DMD: variants seen among roughly 807,000 people sequenced by gnomAD.
DMD encodes the protein dystrophin.
A neutral mutation model predicts 330.1 loss-of-function variants in DMD; 63 were observed. The ratio of observed to expected loss-of-function variants is 0.19; its 90% CI spans 0.16 to 0.24. The LOEUF (loss-of-function observed/expected upper bound fraction) is 0.24, where lower values mean the gene tolerates loss of function less well. Ranked by LOEUF, DMD falls within the 10% of genes least tolerant of loss-of-function variation. DMD has a pLI of 1.00. For synonymous variants in DMD, 1,223 were observed against 959.8 expected, an observed-to-expected ratio of 1.27 and a Z score of -5.07; for missense variants, 3,344 against 2,684.1, an observed-to-expected ratio of 1.25 and a Z score of -5.43.
At chrX:32,916,262 A>G in intron 2 of DMD, among the ~76,000 whole-genome samples, 1 of 111,665 alleles carries the variant, frequency 9.0e-6, no homozygotes, top group Non-Finnish European at 1.9e-5. Flanking sequence ...TATTAACACA[A>G]TTAAAATGCT....
At chrX:33,048,342 CAT>C (rs1265492459) in intron 1 of DMD, among the ~76,000 whole-genome samples, 4 of 111,321 alleles carry the variant, frequency 3.6e-5, no homozygotes, top group African/African-American at 6.5e-5. Flanking sequence ...ACAACACAAT[CAT>C]GTGTCACAAA....
chrX:31,818,046 A>G (rs1237492887), intron 50 of DMD, among the ~76,000 whole-genome samples: 1 of 111,519 alleles, frequency 9.0e-6, no homozygotes, highest in Non-Finnish European at 1.9e-5. Flanking sequence ...GTGTTTCTCA[A>G]ATGTCAGTGT....
rs551338552 is a variant in DMD at position 32,915,827 on chromosome X, C to T, written c.94-66007G>A. 3.6e-5 allele frequency among the ~76,000 whole-genome samples: 4 copies of T among 111,737 alleles called. No homozygotes were observed. In the South Asian group the frequency reaches 1.5e-3, roughly 41 times the overall value. On this transcript the variant is annotated intron_variant, in intron 2 of 78. Coordinates refer to ENST00000357033, the MANE Select transcript of DMD (RefSeq NM_004006.3). ...AACTGAGGCTCAGAAATACTAAGAACATTGTCTAAGGGCAAATATTTCAAG... is the reference window on the plus strand; with the variant it reads ...AACTGAGGCTCAGAAATACTAAGAATATTGTCTAAGGGCAAATATTTCAAG...
At chrX:33,059,756 T>C (rs1023886950) in intron 1 of DMD, among the ~76,000 whole-genome samples, 8 of 112,171 alleles carry the variant, frequency 7.1e-5, no homozygotes, top group Admixed American at 9.5e-5. Context: ...AGGTATGTTA[T>C]AGAATAGAAA....
At chrX:32,273,069 T>C (rs959917570) in intron 43 of DMD, among the ~76,000 whole-genome samples, 1 of 111,618 alleles carries the variant, frequency 9.0e-6, no homozygotes, top group Non-Finnish European at 1.9e-5. Context: ...CAAAAGTTGA[T>C]GAATGAGAAA....
At chrX:33,277,888 G>T (rs901257274) in intron 1 of DMD, among the ~76,000 whole-genome samples, 2 of 110,883 alleles carry the variant, frequency 1.8e-5, no homozygotes, top group African/African-American at 6.6e-5. Flanking sequence ...CGGGAGGATC[G>T]CTGGAGACCA....
chrX:32,848,652 TGAG>T (rs1275308254), intron 3 of DMD, among the ~76,000 whole-genome samples: 1 of 109,858 alleles, frequency 9.1e-6, no homozygotes, highest in Non-Finnish European at 1.9e-5. Flanking sequence ...AGAATTTAAT[TGAG>T]GAGGGATGTC....
At chrX:31,836,654 T>C (rs1457652318) in intron 49 of DMD, 64 bp downstream of exon 49, 22 of 915,553 alleles carry the variant, frequency 2.4e-5, no homozygotes, top group Non-Finnish European at 3.2e-5. Context: ...CAATGGCAAA[T>C]GTACAACAGG....
intron 27 of DMD, among the ~76,000 whole-genome samples, chrX:32,445,446 G>C (rs1388887352): frequency 9.0e-6 from 1 of 111,038 alleles, no homozygotes; most frequent in Non-Finnish European, 1.9e-5. Flanking sequence ...AGGAGACTGT[G>C]AGACCATTTA....
intron 41 of DMD, among the ~76,000 whole-genome samples, chrX:32,332,947 CAT>C (rs201050368): frequency 0.019 from 2,040 of 109,832 alleles, 15 homozygotes; most frequent in Non-Finnish European, 0.028. Flanking sequence ...AACAGCAAGA[CAT>C]ATATAGAATA....
chrX:33,215,323 C>CAAA (rs35648936), upstream of DMD, among the ~76,000 whole-genome samples: 5 of 87,910 alleles, frequency 5.7e-5, no homozygotes, highest in Non-Finnish European at 6.6e-5. Context: ...GACCCTATCT[C>CAAA]AAAAAAAAAA....
At chrX:31,695,866 A>G (rs972766245) in intron 52 of DMD, among the ~76,000 whole-genome samples, 4 of 111,156 alleles carry the variant, frequency 3.6e-5, no homozygotes, top group African/African-American at 1.3e-4. Flanking sequence ...TGCACAGCAC[A>G]GGAACTATAG....
At chrX:32,008,398 T>G (rs1000317593) in intron 44 of DMD, among the ~76,000 whole-genome samples, 8 of 112,086 alleles carry the variant, frequency 7.1e-5, no homozygotes, top group African/African-American at 2.6e-4. Flanking sequence ...ACTCATTTAT[T>G]TAATTCCAAC....
chrX:31,129,547 C>T (rs186698977), intron 77 of DMD, among the ~76,000 whole-genome samples: 107 of 111,871 alleles, frequency 9.6e-4, no homozygotes, highest in African/African-American at 3.3e-3. Context: ...GCTTTGCAAG[C>T]CCACGGTCTC....
At chrX:32,053,604 C>G (rs756369507) in intron 44 of DMD, among the ~76,000 whole-genome samples, 2 of 110,909 alleles carry the variant, frequency 1.8e-5, no homozygotes, top group Non-Finnish European at 3.8e-5. Flanking sequence ...CCACACATAC[C>G]ACTCTCCAGT....
At chrX:32,253,432 C>T (rs2097285127) in intron 43 of DMD, among the ~76,000 whole-genome samples, 3 of 110,211 alleles carry the variant, frequency 2.7e-5, no homozygotes, top group South Asian at 3.8e-4. Context: ...TATGGCAGAA[C>T]GATGTAAAGT....
At chrX:32,821,114 G>A (rs1317791656) in intron 5 of DMD, among the ~76,000 whole-genome samples, 6 of 110,786 alleles carry the variant, frequency 5.4e-5, no homozygotes, top group Non-Finnish European at 1.1e-4. Context: ...ATTAATTCCC[G>A]CTCTTTCTCT....
At chrX:32,646,807 C>T (rs1413710943) in intron 9 of DMD, among the ~76,000 whole-genome samples, 2 of 111,756 alleles carry the variant, frequency 1.8e-5, no homozygotes, top group Non-Finnish European at 3.8e-5. Context: ...TCAAATGATG[C>T]ACTCTTTTTC....
chrX:32,607,157 C>T (rs1447947703), intron 12 of DMD, among the ~76,000 whole-genome samples: 2 of 110,318 alleles, frequency 1.8e-5, no homozygotes, highest in African/African-American at 6.5e-5. Flanking sequence ...TCTTCTAAGA[C>T]ATGCTTATTA....
Sources: allele counts gnomAD v4.1 joint callset (sites outside exome capture counted in the v4.1 genomes callset), GRCh38; gene constraint gnomAD v4.1.1; transcripts MANE v1.5; gene names NCBI Gene and HGNC (gene_info 2026-07-23, HGNC 2026-07-21).